Variants in GALNT14 observed in about 807,000 individuals in gnomAD.
GALNT14 encodes UDP-GalNAc:polypeptide N-acetylgalactosaminyltransferase 14.
GALNT14 carries 60 observed loss-of-function variants against 77.5 expected under a neutral mutation model. The ratio of observed to expected loss-of-function variants is 0.77; its 90% CI spans 0.63 to 0.96. The LOEUF is 0.96. GALNT14 is among the 40% of genes least tolerant of loss of function. GALNT14 has a pLI of 0.00. For synonymous variants in GALNT14, 280 were observed against 281.7 expected (o/e 0.99, Z 0.06); for missense variants, 710 against 731.0 (o/e 0.97, Z 0.33).
chr2:31,130,781 T>TGCGCGC (rs1353124199), intron 1 of GALNT14, among the ~76,000 whole-genome samples: 49 of 124,210 alleles, frequency 3.9e-4, no homozygotes, highest in Middle Eastern at 4.0e-3. Flanking sequence ...TGTGTGTGTG[T>TGCGCGC]GTGCGCGCGC....
At chr2:30,983,778 AAC>A (rs60061697) in intron 2 of GALNT14, among the ~76,000 whole-genome samples, 17,575 of 120,282 alleles carry the variant, frequency 0.15, 1,520 homozygotes, top group African/African-American at 0.29. Flanking sequence ...TCACAAGTCA[AAC>A]ACACACACAC....
chr2:30,988,572 T>C (rs1669464588), intron 2 of GALNT14, among the ~76,000 whole-genome samples: 2 of 144,896 alleles, frequency 1.4e-5, no homozygotes, highest in African/African-American at 5.1e-5. Context: ...AGGGCTGTAG[T>C]GTGTGGGGGA....
At chr2:31,033,654 T>A (rs1862965) in intron 1 of GALNT14, among the ~76,000 whole-genome samples, 1 of 151,748 alleles carries the variant, frequency 6.6e-6, no homozygotes, top group African/African-American at 2.4e-5. Flanking sequence ...GCTCCTTCCC[T>A]CCCTGGCCTG....
chr2:31,089,736 A>C (rs1676636270), intron 1 of GALNT14, among the ~76,000 whole-genome samples: 1 of 152,158 alleles, frequency 6.6e-6, no homozygotes, highest in African/African-American at 2.4e-5. Context: ...AAAGCACCAG[A>C]TCTGACAGGT....
chr2:31,083,776 T>C (rs1460918370), intron 1 of GALNT14, among the ~76,000 whole-genome samples: 1 of 152,200 alleles, frequency 6.6e-6, no homozygotes, highest in African/African-American at 2.4e-5. Context: ...ACTGCTGCCC[T>C]GTGCTAGGCA....
At chr2:30,911,271 T>C (rs1009246723) in intron 14 of GALNT14, among the ~76,000 whole-genome samples, 10 of 152,064 alleles carry the variant, frequency 6.6e-5, no homozygotes, top group African/African-American at 2.4e-4. Flanking sequence ...AAAAGCAAAA[T>C]CAATATGTTT....
chr2:30,893,207 C>T, the GALNT14 span, among the ~76,000 whole-genome samples: 1 of 152,060 alleles, frequency 6.6e-6, no homozygotes, highest in African/African-American at 2.4e-5. Context: ...CTATGCAGCA[C>T]ATGTAGAAAG....
chr2:31,018,927 G>C (rs1387698916), intron 1 of GALNT14, among the ~76,000 whole-genome samples: 1 of 152,188 alleles, frequency 6.6e-6, no homozygotes, highest in Non-Finnish European at 1.5e-5. Flanking sequence ...GTGGTCATTA[G>C]ACAAGAGAAT....
intron 1 of GALNT14, among the ~76,000 whole-genome samples, chr2:31,061,507 G>T (rs1168116852): frequency 6.6e-6 from 1 of 152,074 alleles, no homozygotes; most frequent in African/African-American, 2.4e-5. Flanking sequence ...CTATCAGAGT[G>T]ATCTTCCTAA....
intron 9 of GALNT14, among the ~76,000 whole-genome samples, chr2:30,936,993 G>A (rs1479448916): frequency 1.3e-5 from 2 of 152,218 alleles, no homozygotes; most frequent in African/African-American, 4.8e-5. Flanking sequence ...TCTCCCTTGG[G>A]CATGGGGCTT....
At chr2:30,975,023 G>A (rs1668554453) in intron 2 of GALNT14, among the ~76,000 whole-genome samples, 1 of 152,176 alleles carries the variant, frequency 6.6e-6, no homozygotes, top group Admixed American at 6.5e-5. Context: ...AAAGGCCAAG[G>A]TCAGTGATAC....
intron 11 of GALNT14, among the ~76,000 whole-genome samples, chr2:30,927,777 A>G (rs1211507363): frequency 6.6e-6 from 1 of 152,116 alleles, no homozygotes; most frequent in Non-Finnish European, 1.5e-5. Context: ...ATCGAGGGAG[A>G]ACGCTAGCTA....
chr2:30,997,431 T>A (rs1202391200), intron 1 of GALNT14, among the ~76,000 whole-genome samples: 1 of 152,174 alleles, frequency 6.6e-6, no homozygotes, highest in African/African-American at 2.4e-5. Context: ...CGGGAAAGCT[T>A]CTGAACACAC....
At chr2:31,077,401 T>C (rs1170520294) in intron 1 of GALNT14, among the ~76,000 whole-genome samples, 2 of 152,200 alleles carry the variant, frequency 1.3e-5, no homozygotes, top group African/African-American at 2.4e-5. Flanking sequence ...CAGCAGTTTC[T>C]TTCTCTCCAT....
the GALNT14 span, among the ~76,000 whole-genome samples, chr2:30,895,252 G>A: frequency 6.6e-6 from 1 of 152,172 alleles, no homozygotes; most frequent in East Asian, 1.9e-4. Context: ...TCTCTGAGGA[G>A]CTTACACACA....
At position 31,026,617 on chromosome 2, in the gene GALNT14, G is replaced by T. The variant is rs529466805; in HGVS notation, c.130-33610C>A. Among the ~76,000 whole-genome samples, 3 of 152,284 alleles carry T rather than the reference G, an allele frequency of 2.0e-5. No homozygotes were observed. In the South Asian group the frequency reaches 6.2e-4, roughly 32 times the overall value. On this transcript the variant is annotated intron_variant, in intron 1 of 14. Transcript: ENST00000349752. ...TGTGCTTATCACTTATAGGGAGGGG[G>T]TCTGCCCCAAGAATCACAATGGGGT...
chr2:31,118,527 C>A (rs1488577749), intron 1 of GALNT14, among the ~76,000 whole-genome samples: 4 of 151,312 alleles, frequency 2.6e-5, no homozygotes, highest in South Asian at 4.2e-4. Context: ...GATAAAAATC[C>A]AAAAAAACTA....
At chr2:30,971,662 G>A (rs144664512) in intron 2 of GALNT14, among the ~76,000 whole-genome samples, 259 of 152,248 alleles carry the variant, frequency 1.7e-3, no homozygotes, top group African/African-American at 5.9e-3. Flanking sequence ...AATGCTTCCA[G>A]GAAAGTGCTC....
intron 6 of GALNT14, among the ~76,000 whole-genome samples, chr2:30,951,705 G>C (rs1435273299): frequency 2.0e-5 from 3 of 152,186 alleles, no homozygotes; most frequent in African/African-American, 7.2e-5. Context: ...TATGAAATCA[G>C]TTTGGGGGCA....
Sources: gnomAD v4.1 joint callset for allele counts (sites outside exome capture counted in the v4.1 genomes callset) on GRCh38, gnomAD v4.1.1 for gene constraint, MANE v1.5 for transcripts, NCBI Gene and HGNC (gene_info 2026-07-23, HGNC 2026-07-21) for gene names.